PTPRM: variants seen among roughly 807,000 people sequenced by gnomAD.
PTPRM encodes the protein receptor-type tyrosine-protein phosphatase mu.
PTPRM carries 47 observed loss-of-function variants against 186.7 expected under a neutral mutation model. The observed-to-expected ratio is 0.25, with a 90% confidence interval of 0.20 to 0.32. PTPRM has a LOEUF of 0.32. Ranked by LOEUF, PTPRM falls within the 10% of genes least tolerant of loss-of-function variation. PTPRM has a pLI of 1.00. For synonymous variants in PTPRM, 668 were observed against 674.9 expected, an observed-to-expected ratio of 0.99 and a Z score of 0.16; for missense variants, 1,494 against 1,865.0, an observed-to-expected ratio of 0.80 and a Z score of 3.66.
chr18:7,801,949 A>G (rs919459286), intron 2 of PTPRM, among the ~76,000 whole-genome samples: 1 of 152,212 alleles, frequency 6.6e-6, no homozygotes, highest in African/African-American at 2.4e-5. Context: ...TGAAGTTTTA[A>G]TTAATAAATT....
chr18:8,074,663 G>A (rs544743311), intron 8 of PTPRM, among the ~76,000 whole-genome samples: 2 of 152,268 alleles, frequency 1.3e-5, no homozygotes, highest in South Asian at 4.1e-4. Context: ...ATGATACTGA[G>A]TATCTTTTCC....
chr18:8,363,850 A>T (rs745464036), intron 23 of PTPRM, among the ~76,000 whole-genome samples: 13 of 152,182 alleles, frequency 8.5e-5, no homozygotes, highest in Non-Finnish European at 1.6e-4. Flanking sequence ...CCACAAGGGG[A>T]CCAGGCTGCA....
chr18:8,172,352 T>C (rs1406059097), intron 14 of PTPRM, among the ~76,000 whole-genome samples: 5 of 151,910 alleles, frequency 3.3e-5, no homozygotes, highest in Admixed American at 3.3e-4. Context: ...TTTATGGTCT[T>C]GCTGCAATTC....
At chr18:7,695,496 T>G (rs2039824546) in intron 1 of PTPRM, among the ~76,000 whole-genome samples, 1 of 152,232 alleles carries the variant, frequency 6.6e-6, no homozygotes, top group Non-Finnish European at 1.5e-5. Context: ...AAGTTTTAAG[T>G]GCATTCAGCC....
intron 14 of PTPRM, among the ~76,000 whole-genome samples, chr18:8,224,832 T>C (rs2065124545): frequency 6.6e-6 from 1 of 152,218 alleles, no homozygotes; most frequent in South Asian, 2.1e-4. Context: ...TTATCTGGAC[T>C]TGCTGTGAAC....
intron 1 of PTPRM, among the ~76,000 whole-genome samples, chr18:7,742,570 G>T (rs2040904693): frequency 6.6e-6 from 1 of 152,170 alleles, no homozygotes; most frequent in African/African-American, 2.4e-5. Flanking sequence ...TGGGCACAGT[G>T]GTTCACTCTT....
rs1201494465 is a variant in PTPRM at position 8,166,983 on chromosome 18, C to T, written c.2300+23204C>T. On this transcript the variant is annotated intron_variant, in intron 14 of 32. Coordinates refer to ENST00000580170, the MANE Select transcript of PTPRM (RefSeq NM_001105244.2). ...GAATTATTATGATACTCATATCTCTCCCTTCACCCAGTTAATAAAAGAAGC... is the reference window on the plus strand; with the variant it reads ...GAATTATTATGATACTCATATCTCTTCCTTCACCCAGTTAATAAAAGAAGC... Among the ~76,000 whole-genome samples, 8 of 152,302 alleles carry T rather than the reference C, an allele frequency of 5.3e-5. No homozygotes were observed. The East Asian group carries it at 1.5e-3, about 29-fold the overall frequency.
intron 7 of PTPRM, among the ~76,000 whole-genome samples, chr18:7,991,503 T>C (rs1250643514): frequency 6.6e-6 from 1 of 152,058 alleles, no homozygotes; most frequent in Non-Finnish European, 1.5e-5. Flanking sequence ...AAAACGGAAA[T>C]ATTGGTTTGC....
chr18:8,121,826 C>T (rs1169721481), intron 13 of PTPRM: 3 of 152,118 alleles, frequency 2.0e-5, no homozygotes, highest in Non-Finnish European at 4.4e-5. Context: ...AAACCTAATA[C>T]GTTCTAAAAG....
chr18:8,364,141 C>T (rs752696327), intron 23 of PTPRM, among the ~76,000 whole-genome samples: 1 of 152,134 alleles, frequency 6.6e-6, no homozygotes, highest in African/African-American at 2.4e-5. Flanking sequence ...AGGAAGGTCC[C>T]CCTTCCAAAT....
At chr18:7,608,172 G>A (rs983580231) in intron 1 of PTPRM, among the ~76,000 whole-genome samples, 1 of 152,196 alleles carries the variant, frequency 6.6e-6, no homozygotes, top group African/African-American at 2.4e-5. Flanking sequence ...TTTTAGAGAC[G>A]ACAGGATAGA....
chr18:8,202,909 G>A (rs920178096), intron 14 of PTPRM, among the ~76,000 whole-genome samples: 6 of 152,134 alleles, frequency 3.9e-5, no homozygotes, highest in Non-Finnish European at 7.4e-5. Flanking sequence ...CAGTGTATAG[G>A]TCTCCACAGG....
At chr18:8,222,615 G>T (rs1354854131) in intron 14 of PTPRM, among the ~76,000 whole-genome samples, 1 of 152,154 alleles carries the variant, frequency 6.6e-6, no homozygotes, top group Non-Finnish European at 1.5e-5. Context: ...GGTAGAAGGA[G>T]GTAAGAGAAA....
intron 13 of PTPRM, among the ~76,000 whole-genome samples, chr18:8,118,668 TG>T (rs2092049274): frequency 6.6e-6 from 1 of 151,882 alleles, no homozygotes; most frequent in East Asian, 1.9e-4. Flanking sequence ...GGCGCAGTGG[TG>T]GGTGCCTTTA....
Position 8,253,392 on chromosome 18 carries a change from A to G in PTPRM, c.2732A>G (p.Tyr911Cys), listed in dbSNP as rs2094546946. The G allele has an allele frequency of 6.5e-7, 1 of 1,543,468 alleles. No homozygotes were observed. ...ACACAGATGAAGTGTGCGGAGGGCT[A>G]CGGCTTCAAGGAGGAATACGAGGTG... The part of the protein sequence containing the change: ...HITQMKCAEG[Y>C]GFKEEYESFF... Residue 911 changes from tyrosine to cysteine, a missense_variant, in exon 19 of 33, where the codon TAC becomes TGC. Physicochemically the swap from Tyr to Cys is radical, Grantham distance 194. Coordinates refer to ENST00000580170, the MANE Select transcript of PTPRM (RefSeq NM_001105244.2).
At chr18:8,229,921 A>G (rs149880051) in intron 14 of PTPRM, among the ~76,000 whole-genome samples, 67 of 152,318 alleles carry the variant, frequency 4.4e-4, no homozygotes, top group African/African-American at 1.4e-3. Context: ...GCTCTGGTGC[A>G]AGTTCATTTG....
At chr18:8,305,690 T>C (rs1764712039) in intron 20 of PTPRM, among the ~76,000 whole-genome samples, 1 of 152,202 alleles carries the variant, frequency 6.6e-6, no homozygotes, top group Admixed American at 6.5e-5. Flanking sequence ...GTAGAAGTTA[T>C]TGAAGAGCAT....
intron 13 of PTPRM, among the ~76,000 whole-genome samples, chr18:8,124,767 T>A (rs1256878674): frequency 6.6e-6 from 1 of 152,160 alleles, no homozygotes; most frequent in Non-Finnish European, 1.5e-5. Context: ...TCAACCGTTG[T>A]GTTTAATAGA....
intron 1 of PTPRM, among the ~76,000 whole-genome samples, chr18:7,644,309 G>C (rs542322039): frequency 6.6e-6 from 1 of 152,060 alleles, no homozygotes; most frequent in African/African-American, 2.4e-5. Context: ...TTTCAAATTA[G>C]AAAATCTTTC....
Sources: allele counts gnomAD v4.1 joint callset (sites outside exome capture counted in the v4.1 genomes callset), GRCh38; gene constraint gnomAD v4.1.1; transcripts MANE v1.5; gene names NCBI Gene and HGNC (gene_info 2026-07-23, HGNC 2026-07-21).